Variants in ACTN4 observed in about 807,000 individuals in gnomAD.
ACTN4 encodes the protein actinin alpha 4.
A neutral mutation model predicts 114.2 loss-of-function variants in ACTN4; 18 were observed. That is an observed-to-expected ratio of 0.16 (90% CI 0.11 to 0.23). The LOEUF is 0.23. Ranked by LOEUF, ACTN4 falls within the 10% of genes least tolerant of loss-of-function variation. ACTN4 has a pLI of 1.00. For synonymous variants in ACTN4, 515 were observed against 506.3 expected, an observed-to-expected ratio of 1.02 and a Z score of -0.23; for missense variants, 722 against 1,262.9, an observed-to-expected ratio of 0.57 and a Z score of 6.49.
chr19:38,681,259 C>G (rs1276943017), intron 1 of ACTN4, among the ~76,000 whole-genome samples: 1 of 151,980 alleles, frequency 6.6e-6, no homozygotes, highest in East Asian at 1.9e-4. Flanking sequence ...ACAGGAAATG[C>G]TCCAACGTTG....
At chr19:38,659,796 A>G (rs1336838360) in intron 1 of ACTN4, among the ~76,000 whole-genome samples, 2 of 152,200 alleles carry the variant, frequency 1.3e-5, no homozygotes, top group African/African-American at 2.4e-5. Flanking sequence ...TGTGGGTTCA[A>G]TTATGTCAGA....
chr19:38,686,630 A>T (rs1338517427), intron 1 of ACTN4, among the ~76,000 whole-genome samples: 3 of 152,234 alleles, frequency 2.0e-5, no homozygotes, highest in African/African-American at 7.2e-5. Context: ...CCTGGTGAGA[A>T]GCTCTGCCTG....
At chr19:38,681,732 C>T (rs1256761146) in intron 1 of ACTN4, among the ~76,000 whole-genome samples, 2 of 152,210 alleles carry the variant, frequency 1.3e-5, no homozygotes, top group Non-Finnish European at 2.9e-5. Flanking sequence ...GTCAGGGTCT[C>T]CCCCAGACCC....
At position 38,730,098 on chromosome 19, in the gene ACTN4, A is replaced by C. The variant is rs1442757312; in HGVS notation, c.*666A>C. The C allele has an allele frequency of 1.3e-5, 2 of 149,432 alleles. No homozygotes were observed. Among genetic ancestry groups the C allele is most frequent in the Non-Finnish European group, 3.0e-5 (2 of 67,320 alleles). The allele number at this position is 149,432 out of a possible 1,614,324, so 9.3% of individuals were successfully genotyped here. A position where few individuals can be genotyped will look rare whatever the true frequency, so the allele number is the denominator to read the frequency against. On this transcript the variant is annotated 3_prime_UTR_variant, in exon 21 of 21. Coordinates refer to ENST00000252699, the MANE Select transcript of ACTN4 (RefSeq NM_004924.6). ...TCAGATTTTCTAAGAACCAAAAAAA[A>C]AAAAGGAAAAAAAACACAAAACAAC...
chr19:38,686,074 CCTGGCAAGATCTA>C lies in ACTN4; in HGVS notation c.163-14521_163-14509del, dbSNP rs1967732424. On this transcript the variant is annotated intron_variant, in intron 1 of 20. Coordinates refer to ENST00000252699, the MANE Select transcript of ACTN4 (RefSeq NM_004924.6). ...CCCCTTTCCTGTGGCAGTTCCTGCA[CCTGGCAAGATCTA>C]CTGGGGAATTCCCGGGGTCCCACTA... is the stretch of plus-strand genomic sequence containing the variant. 1.3e-5 allele frequency among the ~76,000 whole-genome samples: 2 copies of C among 152,182 alleles called. 1 individual carries two copies. The highest frequency in any genetic ancestry group is 4.1e-4 in the South Asian group (2 of 4,822).
chr19:38,728,459 T>TC, intron 19 of ACTN4: 26 of 460,708 alleles, frequency 5.6e-5, no homozygotes, highest in Middle Eastern at 7.1e-4. Context: ...CCCCCCCACC[T>TC]CTCCCCCTCA....
chr19:38,660,191 G>A (rs1385445059), intron 1 of ACTN4, among the ~76,000 whole-genome samples: 1 of 152,156 alleles, frequency 6.6e-6, no homozygotes, highest in Non-Finnish European at 1.5e-5. Context: ...CAGAGTGCTG[G>A]GATTACAGGC....
In ACTN4 at chr19:38,731,417, AAGAC is replaced by A; in HGVS notation, c.*1988_*1991del. On this transcript the variant is annotated 3_prime_UTR_variant, in exon 21 of 21. Coordinates refer to ENST00000252699, the MANE Select transcript of ACTN4 (RefSeq NM_004924.6). Reference sequence around the variant, plus strand: ...TGTTTCCTCATCCATCAAACGGACTAAGACAGCCCCGACCCCATAGGGTGTGTGA... The same window carrying A: ...TGTTTCCTCATCCATCAAACGGACTAAGCCCCGACCCCATAGGGTGTGTGA... 1 of 614,098 alleles carries A rather than the reference AAGAC, an allele frequency of 1.6e-6. No individual in the cohort carries two copies. The highest frequency in any genetic ancestry group is 3.0e-6 in the Non-Finnish European group (1 of 338,670). The allele number at this position is 614,098 out of a possible 1,614,324, so 38.0% of individuals were successfully genotyped here.
chr19:38,691,214 G>C (rs1348609350), intron 1 of ACTN4, among the ~76,000 whole-genome samples: 21 of 152,048 alleles, frequency 1.4e-4, no homozygotes, highest in Non-Finnish European at 5.9e-5. Flanking sequence ...TTGGGAGTTC[G>C]AGACTAGCCT....
At chr19:38,658,646 A>G (rs1036919067) in intron 1 of ACTN4, among the ~76,000 whole-genome samples, 1 of 152,230 alleles carries the variant, frequency 6.6e-6, no homozygotes, top group Non-Finnish European at 1.5e-5. Context: ...GTTCTGGCCT[A>G]TGAAATACAG....
At chr19:38,705,580 G>T (rs1289820524) in intron 4 of ACTN4, among the ~76,000 whole-genome samples, 2 of 152,224 alleles carry the variant, frequency 1.3e-5, no homozygotes, top group African/African-American at 2.4e-5. Flanking sequence ...AGGGCTCCCG[G>T]TCTGTGAGGA....
At chr19:38,709,347 C>A in intron 6 of ACTN4, 48 bp from the exon 7 acceptor site, 1 of 1,438,002 alleles carries the variant, frequency 7.0e-7, no homozygotes, top group Non-Finnish European at 9.8e-7. Context: ...CCTGCTCCTG[C>A]ACCCTGCCCT....
At chr19:38,691,541 C>T (rs534753609) in intron 1 of ACTN4, among the ~76,000 whole-genome samples, 1 of 152,042 alleles carries the variant, frequency 6.6e-6, no homozygotes, top group East Asian at 1.9e-4. Context: ...GAGACAAAAC[C>T]AGCTCTATAA....
At chr19:38,673,407 A>G (rs1365643666) in intron 1 of ACTN4, among the ~76,000 whole-genome samples, 1 of 142,108 alleles carries the variant, frequency 7.0e-6, no homozygotes. Context: ...AACCCAAGAC[A>G]TACATAGAGT....
intron 1 of ACTN4, among the ~76,000 whole-genome samples, chr19:38,685,040 G>A (rs1967698719): frequency 1.3e-5 from 2 of 152,118 alleles, no homozygotes; most frequent in Non-Finnish European, 2.9e-5. Context: ...CTGCCTCCTG[G>A]GTTCAAGCGA....
intron 8 of ACTN4, among the ~76,000 whole-genome samples, chr19:38,713,696 C>A (rs956220264): frequency 5.9e-5 from 9 of 152,252 alleles, no homozygotes; most frequent in African/African-American, 2.2e-4. Context: ...TTTCCTTCCC[C>A]ATCACTCTGT....
At chr19:38,666,888 C>T (rs1966978910) in intron 1 of ACTN4, among the ~76,000 whole-genome samples, 3 of 152,048 alleles carry the variant, frequency 2.0e-5, no homozygotes, top group Admixed American at 2.0e-4. Flanking sequence ...TGGGCCCAAC[C>T]CACTTTGTTT....
rs1491101804 is a variant in ACTN4 at position 38,730,091 on chromosome 19, A to AAAAAAAAAAAGGAAAAAAAAGAACC, written c.*669_*670insGGAAAAAAAAGAACCAAAAAAAAAA. The stretch of plus-strand genomic sequence containing the variant: ...ACGTGTCTCAGATTTTCTAAGAACC[A>AAAAAAAAAAAGGAAAAAAAAGAACC]AAAAAAAAAAAGGAAAAAAAACACA... On this transcript the variant is annotated 3_prime_UTR_variant, in exon 21 of 21. Transcript: ENST00000252699. 8.9e-6 allele frequency: 1 copy of AAAAAAAAAAAGGAAAAAAAAGAACC among 112,210 alleles called. No homozygotes were observed. The highest frequency in any genetic ancestry group is 1.9e-5 in the Non-Finnish European group (1 of 51,562). 7.0% of individuals were successfully genotyped at this position (112,210 alleles called of 1,614,324 possible). A position where few individuals can be genotyped will look rare whatever the true frequency, so the allele number is the denominator to read the frequency against.
intron 1 of ACTN4, among the ~76,000 whole-genome samples, chr19:38,667,661 G>C (rs758324992): frequency 6.6e-6 from 1 of 151,134 alleles, no homozygotes; most frequent in African/African-American, 2.4e-5. Context: ...TATGAAGTGT[G>C]GAAACTGAGA....
Sources: allele counts gnomAD v4.1 joint callset (sites outside exome capture counted in the v4.1 genomes callset), GRCh38; gene constraint gnomAD v4.1.1; transcripts MANE v1.5; gene names NCBI Gene and HGNC (gene_info 2026-07-23, HGNC 2026-07-21).